The following RANBP10 variants were observed in gnomAD, a reference collection of about 807,000 sequenced individuals.
The protein encoded by RANBP10 is RAN binding protein 10, also known as ran-binding protein 10.
Under a neutral mutation model 72.8 loss-of-function variants are expected in RANBP10, and 24 were observed. The observed-to-expected ratio is 0.33, with a 90% confidence interval of 0.24 to 0.46. RANBP10 has a LOEUF of 0.46. Ranked by LOEUF, RANBP10 falls within the 20% of genes least tolerant of loss-of-function variation. RANBP10 has a pLI of 1.00. For synonymous variants in RANBP10, 310 were observed against 322.3 expected (o/e 0.96, Z 0.41); for missense variants, 679 against 817.5 (o/e 0.83, Z 2.07).
chr16:67,781,625 G>A (rs1246129095), intron 2 of RANBP10, among the ~76,000 whole-genome samples: 2 of 152,156 alleles, frequency 1.3e-5, no homozygotes, highest in South Asian at 4.1e-4. Context: ...ATGCCAGAGA[G>A]GTGAGACAGG....
chr16:67,771,884 GCTAC>G, intron 3 of RANBP10, 146 bp downstream of exon 3: 1 of 846,828 alleles, frequency 1.2e-6, no homozygotes, highest in Non-Finnish European at 1.9e-6. Flanking sequence ...TGGCCCAAGG[GCTAC>G]CTTTCAGGAT....
chr16:67,737,935 C>T (rs1442410024), intron 5 of RANBP10, 78 bp downstream of exon 5: 33 of 1,494,620 alleles, frequency 2.2e-5, no homozygotes, highest in Non-Finnish European at 2.7e-5. Flanking sequence ...CCACACCCTG[C>T]ACTTGCAGGT....
intron 2 of RANBP10, among the ~76,000 whole-genome samples, chr16:67,801,054 T>C (rs2055227302): frequency 6.6e-6 from 1 of 152,164 alleles, no homozygotes; most frequent in Admixed American, 6.6e-5. Context: ...AATCTTGACA[T>C]GAAACTTTCC....
At chr16:67,797,971 CAG>C (rs147008713) in intron 2 of RANBP10, among the ~76,000 whole-genome samples, 1,778 of 127,844 alleles carry the variant, frequency 0.014, 20 homozygotes, top group Non-Finnish European at 0.02. Context: ...GCCTGAGTGA[CAG>C]AGAGAGACCC....
At chr16:67,754,304 C>T (rs925587463) in intron 3 of RANBP10, among the ~76,000 whole-genome samples, 2 of 152,094 alleles carry the variant, frequency 1.3e-5, no homozygotes, top group Non-Finnish European at 1.5e-5. Context: ...GTAGAAAGTC[C>T]GTGATGGGGA....
At chr16:67,777,523 G>A (rs941785224) in intron 2 of RANBP10, among the ~76,000 whole-genome samples, 8 of 151,922 alleles carry the variant, frequency 5.3e-5, no homozygotes, top group African/African-American at 1.7e-4. Flanking sequence ...GCGACAAAGC[G>A]AGACTCCATC....
chr16:67,735,089 T>C, intron 5 of RANBP10, 47 bp from the exon 6 acceptor site: 1 of 1,501,218 alleles, frequency 6.7e-7, no homozygotes, highest in South Asian at 1.3e-5. Context: ...GGCAGTGGGG[T>C]TCTAAGGCCT....
Position 67,724,213 on chromosome 16 carries a change from A to C in RANBP10, c.*2215T>G, listed in dbSNP as rs1241716438. ...AGCTTCTCAGATACTGCTGGAGGGCACATCAGCCTGACCCCTCATGGGGTT... is the reference window on the plus strand; with the variant it reads ...AGCTTCTCAGATACTGCTGGAGGGCCCATCAGCCTGACCCCTCATGGGGTT... On this transcript the variant is annotated 3_prime_UTR_variant, in exon 14 of 14. Coordinates refer to ENST00000317506, the MANE Select transcript of RANBP10 (RefSeq NM_020850.3). 1 of 152,332 alleles carries C rather than the reference A, an allele frequency of 6.6e-6. No individual in the cohort carries two copies. Among genetic ancestry groups the C allele is most frequent in the African/African-American group, 2.4e-5 (1 of 41,464 alleles). 9.4% of individuals were successfully genotyped at this position (152,332 alleles called of 1,614,324 possible).
At chr16:67,769,745 CAAAAAAAAAAAA>C (rs58319144) in intron 3 of RANBP10, among the ~76,000 whole-genome samples, 2,063 of 27,774 alleles carry the variant, frequency 0.074, 41 homozygotes, top group African/African-American at 0.13. Flanking sequence ...GACTCCGTCT[CAAAAAAAAAAAA>C]AAAAAAAAAA....
chr16:67,769,659 C>T (rs940664570), intron 3 of RANBP10, among the ~76,000 whole-genome samples: 11 of 137,294 alleles, frequency 8.0e-5, no homozygotes, highest in African/African-American at 1.9e-4. Context: ...GGCAGGAGAA[C>T]GGCACCAACC....
intron 5 of RANBP10, among the ~76,000 whole-genome samples, chr16:67,737,160 T>G (rs1202644524): frequency 1.6e-5 from 2 of 126,604 alleles, no homozygotes; most frequent in Non-Finnish European, 3.3e-5. Context: ...TTTTTTTTTT[T>G]GAACTAAGCA....
At chr16:67,805,930 AG>A (rs2055400086) in intron 1 of RANBP10, among the ~76,000 whole-genome samples, 1 of 152,234 alleles carries the variant, frequency 6.6e-6, no homozygotes, top group South Asian at 2.1e-4. Flanking sequence ...GATGCCTGGC[AG>A]GTGGGGAAGC....
chr16:67,741,907 C>T (rs1227402975), intron 4 of RANBP10, among the ~76,000 whole-genome samples: 2 of 152,140 alleles, frequency 1.3e-5, no homozygotes, highest in Non-Finnish European at 2.9e-5. Context: ...GAAACAGAGA[C>T]AGTAGAAGAT....
In RANBP10 at chr16:67,729,012, G is replaced by A. The variant is rs533474819; in HGVS notation, c.1352+268C>T. On this transcript the variant is annotated intron_variant, in intron 10 of 13. Coordinates refer to ENST00000317506, the MANE Select transcript of RANBP10 (RefSeq NM_020850.3). This position sits in a 1 kb window ranked among gnomAD's most constrained non-coding sequence, Gnocchi z 7.1. ...TGATGGACCCTGAGGGTTCTCACAG[G>A]CCCGGCCTCTTTGGAGGAGACCACA... Among the ~76,000 whole-genome samples the A allele has an allele frequency of 6.6e-6, 1 of 152,366 alleles. No homozygotes were observed. The highest frequency in any genetic ancestry group is 2.1e-4 in the South Asian group (1 of 4,824).
At chr16:67,801,532 T>C (rs1198953933) in intron 2 of RANBP10, among the ~76,000 whole-genome samples, 5 of 152,108 alleles carry the variant, frequency 3.3e-5, no homozygotes, top group African/African-American at 1.2e-4. Flanking sequence ...AATGGGAAGG[T>C]AGATGATCAC....
intron 2 of RANBP10, among the ~76,000 whole-genome samples, chr16:67,800,966 T>C (rs2055225318): frequency 6.6e-6 from 1 of 152,214 alleles, no homozygotes; most frequent in African/African-American, 2.4e-5. Context: ...AAAGCTGATC[T>C]GTGCTGGCTT....
chr16:67,796,493 G>A (rs867988344), intron 2 of RANBP10, among the ~76,000 whole-genome samples: 5 of 152,154 alleles, frequency 3.3e-5, no homozygotes, highest in Middle Eastern at 6.8e-3. Flanking sequence ...CCACCCTGAG[G>A]GCTAGTAGAT....
chr16:67,727,269 A>G, intron 13 of RANBP10, 58 bp downstream of exon 13: 1 of 1,497,230 alleles, frequency 6.7e-7, no homozygotes, highest in African/African-American at 1.4e-5. Flanking sequence ...ACTGCACTCC[A>G]GCTTGGGCTA....
Position 67,726,269 on chromosome 16 carries a change from A to C in RANBP10, c.*159T>G. On this transcript the variant is annotated 3_prime_UTR_variant, in exon 14 of 14. Transcript: ENST00000317506. ...GACTGAGCGGGGTGGTGGGCAGAGA[A>C]AGGAAGGAAGGAAGGAAAGGGAGAG... 1.1e-6 allele frequency: 1 copy of C among 919,262 alleles called. No individual in the cohort carries two copies. The highest frequency in any genetic ancestry group is 1.6e-6 in the Non-Finnish European group (1 of 638,466). The allele number at this position is 919,262 out of a possible 1,614,324, so 56.9% of individuals were successfully genotyped here. A position where few individuals can be genotyped will look rare whatever the true frequency, so the allele number is the denominator to read the frequency against.
Sources: allele counts gnomAD v4.1 joint callset (sites outside exome capture counted in the v4.1 genomes callset), GRCh38; gene constraint gnomAD v4.1.1; non-coding constraint Gnocchi (gnomAD v3.1); transcripts MANE v1.5; gene names NCBI Gene and HGNC (gene_info 2026-07-23, HGNC 2026-07-21).